Variants in RPTOR observed in about 807,000 individuals in gnomAD.
The protein encoded by RPTOR is regulatory associated protein of MTOR complex 1.
Under a neutral mutation model 169.9 loss-of-function variants are expected in RPTOR, and 21 were observed. The ratio of observed to expected loss-of-function variants is 0.12; its 90% CI spans 0.09 to 0.18. The LOEUF is 0.18. RPTOR is among the 10% of genes least tolerant of loss of function. The pLI is 1.00. For missense variants in RPTOR, 1,133 were observed against 1,855.9 expected (o/e 0.61, Z 7.16); for synonymous variants, 732 against 753.2 (o/e 0.97, Z 0.46).
intron 3 of RPTOR, among the ~76,000 whole-genome samples, chr17:80,685,627 A>ATATATT (rs1269766086): frequency 2.0e-4 from 6 of 30,688 alleles, no homozygotes; most frequent in African/African-American, 5.1e-4. Context: ...ATATATATAT[A>ATATATT]TTTTTTTTTT....
chr17:80,640,209 C>T (rs1031434599), intron 2 of RPTOR, among the ~76,000 whole-genome samples: 4 of 152,064 alleles, frequency 2.6e-5, no homozygotes, highest in Non-Finnish European at 5.9e-5. Flanking sequence ...TTCCCAGATT[C>T]CCCTTAAATA....
chr17:80,844,046 C>G lies in RPTOR; in HGVS notation c.1213-2427C>G, dbSNP rs1213137412. On this transcript the variant is annotated intron_variant, in intron 10 of 33. Coordinates refer to ENST00000306801, the MANE Select transcript of RPTOR (RefSeq NM_020761.3). This position sits in a 1 kb window ranked among gnomAD's most constrained non-coding sequence, Gnocchi z 4.7. ...GCTGAATGGACTTCGCTCCCCTGCA[C>G]GCAGGGGCCAGCTCAGGAGCTCTTC... is the stretch of plus-strand genomic sequence containing the variant. Among the ~76,000 whole-genome samples, 1 of 152,186 alleles carries G rather than the reference C, an allele frequency of 6.6e-6. No homozygotes were observed. Among genetic ancestry groups the G allele is most frequent in the Non-Finnish European group, 1.5e-5 (1 of 68,026 alleles).
chr17:80,752,626 G>A (rs2066641202), intron 5 of RPTOR, among the ~76,000 whole-genome samples: 2 of 152,194 alleles, frequency 1.3e-5, no homozygotes, highest in African/African-American at 2.4e-5. Flanking sequence ...GCCACATGCA[G>A]GCAACGTAGG....
intron 1 of RPTOR, among the ~76,000 whole-genome samples, chr17:80,585,192 TATTATTA>T (rs1310186905): frequency 2.9e-4 from 43 of 148,542 alleles, no homozygotes; most frequent in African/African-American, 9.8e-4. Flanking sequence ...TTATTATTAT[TATTATTA>T]TTATTTTTGT....
intron 31 of RPTOR, 102 bp downstream of exon 31, chr17:80,961,582 C>A: frequency 1.6e-6 from 2 of 1,285,188 alleles, no homozygotes; most frequent in Non-Finnish European, 2.1e-6. Flanking sequence ...AAGGGGATGG[C>A]ATTTCGGGCA....
chr17:80,949,528 C>G lies in RPTOR; in HGVS notation c.3351C>G (p.Asp1117Glu), dbSNP rs760760990. 2 of 1,614,014 alleles carry G rather than the reference C, an allele frequency of 1.2e-6. No homozygotes were observed. The highest frequency in any genetic ancestry group is 4.5e-5 in the East Asian group (2 of 44,878). The change falls in exon 28 of 34, where the codon GAC (aspartate) becomes GAG (glutamate). Residue 1117 changes from aspartate to glutamate, a missense_variant. Physicochemically the swap from Asp to Glu is conservative, Grantham distance 45. Around this residue, in one of 9 missense-constraint regions of RPTOR, gnomAD observed 410 missense variants for 623.7 expected, o/e 0.66. Transcript: ENST00000306801. ...TGACCGCGTGGCAGGGGCTCTCGGA[C>G]ATGCTGCCAACGACGCGAGGTGGGT... ...EMVTAWQGLS[D>E]MLPTTRGAGM...
intron 6 of RPTOR, among the ~76,000 whole-genome samples, chr17:80,782,951 C>T (rs2066956453): frequency 6.6e-6 from 1 of 152,278 alleles, no homozygotes; most frequent in African/African-American, 2.4e-5. Context: ...ATGGGCTCCT[C>T]CAGGGCAAGG....
intron 13 of RPTOR, among the ~76,000 whole-genome samples, chr17:80,864,425 A>G (rs1960550733): frequency 6.6e-6 from 1 of 151,910 alleles, no homozygotes; most frequent in Non-Finnish European, 1.5e-5. Flanking sequence ...GGTGAGCGTG[A>G]TGGCAGGTTT....
chr17:80,561,896 CTGTG>C (rs1186431537), intron 1 of RPTOR, among the ~76,000 whole-genome samples: 4 of 151,782 alleles, frequency 2.6e-5, no homozygotes, highest in South Asian at 2.1e-4. Context: ...GTGTGTGAGT[CTGTG>C]TGTATGTGTG....
chr17:80,587,553 G>A (rs1005029114), intron 1 of RPTOR, among the ~76,000 whole-genome samples: 18 of 152,150 alleles, frequency 1.2e-4, no homozygotes, highest in African/African-American at 4.3e-4. Context: ...TTTAGCTGAG[G>A]TTGTTTCTGC....
At chr17:80,911,764 G>A (rs377456056) in intron 21 of RPTOR, among the ~76,000 whole-genome samples, 28 of 152,206 alleles carry the variant, frequency 1.8e-4, no homozygotes, top group African/African-American at 6.5e-4. Flanking sequence ...CATCCTGGGC[G>A]GCAGAGTGAG....
At chr17:80,849,352 C>T (rs1328405162) in intron 11 of RPTOR, among the ~76,000 whole-genome samples, 1 of 152,212 alleles carries the variant, frequency 6.6e-6, no homozygotes, top group African/African-American at 2.4e-5. Flanking sequence ...GGTGTCTCAT[C>T]AGGTCCGGCT....
At chr17:80,580,504 C>T (rs138661860) in intron 1 of RPTOR, among the ~76,000 whole-genome samples, 13 of 152,134 alleles carry the variant, frequency 8.5e-5, no homozygotes, top group Admixed American at 2.0e-4. Context: ...TTATACTTTT[C>T]GATTATTAGT....
Position 80,861,530 on chromosome 17 carries a change from G to C in RPTOR, c.1509+3630G>C, listed in dbSNP as rs547267115. On this transcript the variant is annotated intron_variant, in intron 13 of 33. Coordinates refer to ENST00000306801, the MANE Select transcript of RPTOR (RefSeq NM_020761.3). This position sits in a 1 kb window ranked among gnomAD's most constrained non-coding sequence, Gnocchi z 4.5. ...GAAGTCATTTTGAAACGTGGTTTCT[G>C]TCCTACACCCATATCTTCGTCATCT... 7.4e-4 allele frequency among the ~76,000 whole-genome samples: 79 copies of C among 106,186 alleles called. 2 individuals carry two copies. The highest frequency in any genetic ancestry group is 2.0e-3 in the African/African-American group (76 of 37,238). The allele number at this position is 106,186 out of a possible 152,430, so 69.7% of individuals were successfully genotyped here. A position where few individuals can be genotyped will look rare whatever the true frequency, so the allele number is the denominator to read the frequency against.
At chr17:80,628,288 A>G (rs755645747) in intron 2 of RPTOR, among the ~76,000 whole-genome samples, 1 of 152,196 alleles carries the variant, frequency 6.6e-6, no homozygotes, top group Non-Finnish European at 1.5e-5. Context: ...ATCTGGTATC[A>G]TAATCATTCT....
Position 80,880,401 on chromosome 17 carries a change from C to G in RPTOR, c.1510-14C>G. The G allele has an allele frequency of 6.2e-7, 1 of 1,613,352 alleles. No homozygotes were observed. ...ACTGCACTCACTGCCTCTCCTCTGT[C>G]TCTTTCTGTCCAGTCGTGCCAAGCG... On this transcript the variant is annotated splice_polypyrimidine_tract_variant and intron_variant, in intron 13 of 33. Coordinates refer to ENST00000306801, the MANE Select transcript of RPTOR (RefSeq NM_020761.3).
rs577757221 is a variant in RPTOR, at chr17:80,709,056, C to T, written c.507+1057C>T. On this transcript the variant is annotated intron_variant, in intron 4 of 33. Transcript: ENST00000306801. ...AGCAGTGTGGGCCCAGAGCAGAGACCTCGAGGAAGGCTTCTGACCCTGGAC... is the reference window on the plus strand; with the variant it reads ...AGCAGTGTGGGCCCAGAGCAGAGACTTCGAGGAAGGCTTCTGACCCTGGAC... The T allele has an allele frequency of 2.3e-5, 23 of 985,464 alleles. No individual in the cohort carries two copies. The African/African-American group carries it at 4.0e-4, about 17-fold the overall frequency. 61.0% of individuals were successfully genotyped at this position (985,464 alleles called of 1,614,324 possible).
At chr17:80,573,659 T>C (rs1170253672) in intron 1 of RPTOR, among the ~76,000 whole-genome samples, 4 of 152,216 alleles carry the variant, frequency 2.6e-5, no homozygotes, top group Non-Finnish European at 2.9e-5. Context: ...CTGGCAGCCA[T>C]GCACACAGCT....
chr17:80,814,055 C>T (rs903065368), intron 7 of RPTOR, among the ~76,000 whole-genome samples: 1 of 151,828 alleles, frequency 6.6e-6, no homozygotes, highest in Non-Finnish European at 1.5e-5. Context: ...GTGGGAGGAT[C>T]GCTTGAGGCT....
Sources: gnomAD v4.1 joint callset for allele counts (sites outside exome capture counted in the v4.1 genomes callset) on GRCh38, gnomAD v4.1.1 for gene constraint, gnomAD v4.1.1 regional missense constraint, Gnocchi (gnomAD v3.1) non-coding constraint, MANE v1.5 for transcripts, NCBI Gene and HGNC (gene_info 2026-07-23, HGNC 2026-07-21) for gene names.